The following ATP8A2 variants were observed in gnomAD, a reference collection of about 807,000 sequenced individuals.
The protein encoded by ATP8A2 is ATPase phospholipid transporting 8A2, also known as phospholipid-transporting ATPase IB.
ATP8A2 carries 100 observed loss-of-function variants against 165.6 expected under a neutral mutation model. The observed-to-expected ratio is 0.60, with a 90% CI of 0.51 to 0.71. The LOEUF is 0.71. Among genes scored for constraint, ATP8A2 ranks in the 30% least tolerant of loss-of-function variants. The pLI, the probability that ATP8A2 is intolerant of heterozygous loss-of-function variation, is 0.00. For missense variants in ATP8A2, 1,227 were observed against 1,479.5 expected, an observed-to-expected ratio of 0.83 and a Z score of 2.80; for synonymous variants, 543 against 548.8, an observed-to-expected ratio of 0.99 and a Z score of 0.15.
intron 22 of ATP8A2, among the ~76,000 whole-genome samples, chr13:25,581,392 A>C (rs754010603): frequency 3.9e-5 from 6 of 152,184 alleles, no homozygotes; most frequent in Non-Finnish European, 7.4e-5. Context: ...TTAAATCCTT[A>C]GCACCACAGG....
rs139407612 is a variant in ATP8A2, at chr13:25,435,683, T to C, written c.77-33294T>C. Among the ~76,000 whole-genome samples, 12 of 152,222 alleles carry C rather than the reference T, an allele frequency of 7.9e-5. No homozygotes were observed. In the East Asian group the frequency reaches 2.3e-3, roughly 29 times the overall value. ...TTTTTTTTTGCCTTATTTGCACAGT[T>C]AATGGATCTTGTGGTTTTTTTCTCC... is the stretch of plus-strand genomic sequence containing the variant. On this transcript the variant is annotated intron_variant, in intron 1 of 36. Transcript: ENST00000381655.
At chr13:25,801,423 C>G (rs1269625999) in intron 27 of ATP8A2, among the ~76,000 whole-genome samples, 1 of 152,166 alleles carries the variant, frequency 6.6e-6, no homozygotes, top group Non-Finnish European at 1.5e-5. Context: ...ACACATAACT[C>G]TTTTTGCAGC....
chr13:25,810,422 C>CT (rs1483725372), intron 27 of ATP8A2, among the ~76,000 whole-genome samples: 3 of 151,866 alleles, frequency 2.0e-5, no homozygotes, highest in Non-Finnish European at 4.4e-5. Flanking sequence ...ATAAATAGCA[C>CT]TGACTCCATT....
At chr13:25,419,301 C>T (rs944648522) in intron 1 of ATP8A2, among the ~76,000 whole-genome samples, 3 of 152,156 alleles carry the variant, frequency 2.0e-5, no homozygotes, top group African/African-American at 7.2e-5. Flanking sequence ...TGGAGAAATA[C>T]TGATGTTGCT....
intron 24 of ATP8A2, among the ~76,000 whole-genome samples, chr13:25,662,178 C>T (rs1459873186): frequency 6.6e-6 from 1 of 152,110 alleles, no homozygotes; most frequent in Non-Finnish European, 1.5e-5. Flanking sequence ...TTAATATATG[C>T]AGATTTCTAG....
chr13:25,975,635 G>A (rs1479052895), intron 35 of ATP8A2, among the ~76,000 whole-genome samples: 1 of 151,960 alleles, frequency 6.6e-6, no homozygotes, highest in Non-Finnish European at 1.5e-5. Flanking sequence ...AGCATACATA[G>A]TAGTAGGGAG....
chr13:25,973,471 A>G (rs1478268252), intron 35 of ATP8A2, among the ~76,000 whole-genome samples: 2 of 152,170 alleles, frequency 1.3e-5, no homozygotes, highest in Admixed American at 1.3e-4. Context: ...GCCGAAAAAT[A>G]GGAACAGAGC....
At chr13:25,858,464 C>T (rs1014139311) in intron 30 of ATP8A2, among the ~76,000 whole-genome samples, 1 of 152,162 alleles carries the variant, frequency 6.6e-6, no homozygotes, top group Non-Finnish European at 1.5e-5. Flanking sequence ...TTTAGTGCAG[C>T]CCGTGATGTT....
chr13:25,945,257 T>C (rs1463546668), intron 33 of ATP8A2, among the ~76,000 whole-genome samples: 3 of 151,760 alleles, frequency 2.0e-5, no homozygotes, highest in African/African-American at 7.3e-5. Flanking sequence ...GCCTGCAATG[T>C]GCACCTCATT....
chr13:25,794,008 A>C (rs1950445544), intron 27 of ATP8A2, among the ~76,000 whole-genome samples: 1 of 152,186 alleles, frequency 6.6e-6, no homozygotes, highest in African/African-American at 2.4e-5. Context: ...AGAAGGAGGT[A>C]ATCGTCATCA....
At chr13:25,513,702 C>T (rs1012249968) in intron 2 of ATP8A2, among the ~76,000 whole-genome samples, 2 of 152,178 alleles carry the variant, frequency 1.3e-5, no homozygotes, top group Admixed American at 1.3e-4. Context: ...CGTCTGCAAT[C>T]CCGGCACCTC....
At chr13:25,722,263 C>A (rs1322421653) in intron 25 of ATP8A2, among the ~76,000 whole-genome samples, 1 of 152,138 alleles carries the variant, frequency 6.6e-6, no homozygotes, top group East Asian at 1.9e-4. Flanking sequence ...GTTCAATTTC[C>A]CCTTCTTCCT....
intron 1 of ATP8A2, among the ~76,000 whole-genome samples, chr13:25,398,902 T>C (rs535027540): frequency 6.1e-4 from 53 of 86,676 alleles, no homozygotes; most frequent in African/African-American, 2.0e-3. Context: ...ATAACTGAAG[T>C]AATGCATATG....
At position 25,541,762 on chromosome 13, in the gene ATP8A2, G is replaced by C. The variant is rs530247096; in HGVS notation, c.652-157G>C. On this transcript the variant is annotated intron_variant, in intron 8 of 36. Transcript: ENST00000381655. ...CGTTGTGGCAAAAGCTACTGGAAAA[G>C]TCTGCCTTGAGGGGCTGACAGTTTG... Among the ~76,000 whole-genome samples the C allele has an allele frequency of 1.6e-4, 24 of 152,302 alleles. 1 individual carries two copies. The highest frequency in any genetic ancestry group is 5.5e-4 in the African/African-American group (23 of 41,566).
intron 24 of ATP8A2, among the ~76,000 whole-genome samples, chr13:25,612,812 G>T (rs1001540662): frequency 1.3e-5 from 2 of 152,070 alleles, no homozygotes; most frequent in Non-Finnish European, 2.9e-5. Context: ...AAATTTGGGA[G>T]CTCCAGTGTT....
chr13:25,723,922 G>T (rs112586530), intron 25 of ATP8A2, among the ~76,000 whole-genome samples: 2 of 152,214 alleles, frequency 1.3e-5, no homozygotes, highest in African/African-American at 4.8e-5. Flanking sequence ...ATTTCAAATA[G>T]GAGTAGGATT....
At chr13:25,827,538 C>A (rs1443002278) in intron 27 of ATP8A2, among the ~76,000 whole-genome samples, 1 of 152,146 alleles carries the variant, frequency 6.6e-6, no homozygotes, top group Admixed American at 6.5e-5. Context: ...TGAATAACAG[C>A]CCACATTTTA....
intron 35 of ATP8A2, among the ~76,000 whole-genome samples, chr13:25,978,828 T>G (rs1956117944): frequency 6.6e-6 from 1 of 151,892 alleles, no homozygotes; most frequent in African/African-American, 2.4e-5. Flanking sequence ...TAGTCCCAGC[T>G]ACTTGAGAGG....
At chr13:25,500,785 A>G (rs2036830932) in intron 2 of ATP8A2, among the ~76,000 whole-genome samples, 1 of 152,056 alleles carries the variant, frequency 6.6e-6, no homozygotes, top group African/African-American at 2.4e-5. Context: ...GTTTTGCCAC[A>G]TTGCACCAGC....
Sources: allele counts gnomAD v4.1 joint callset (sites outside exome capture counted in the v4.1 genomes callset), GRCh38; gene constraint gnomAD v4.1.1; transcripts MANE v1.5; gene names NCBI Gene and HGNC (gene_info 2026-07-23, HGNC 2026-07-21).